Variants in PLXNA4 observed in about 807,000 individuals in gnomAD.
The protein encoded by PLXNA4 is plexin-A4.
A neutral mutation model predicts 191.8 loss-of-function variants in PLXNA4; 44 were observed. That is an observed-to-expected ratio of 0.23 (90% CI 0.18 to 0.29). The LOEUF is 0.29. PLXNA4 is among the 10% of genes least tolerant of loss of function. The pLI, the probability that PLXNA4 is intolerant of heterozygous loss-of-function variation, is 1.00. For synonymous variants in PLXNA4, 1,082 were observed against 1,009.5 expected, an observed-to-expected ratio of 1.07 and a Z score of -1.36; for missense variants, 1,800 against 2,488.8, an observed-to-expected ratio of 0.72 and a Z score of 5.89.
At chr7:132,581,884 C>CAACA (rs558874117), upstream of PLXNA4, among the ~76,000 whole-genome samples, 79 of 152,270 alleles carry the variant, frequency 5.2e-4, no homozygotes, top group Admixed American at 8.5e-4. Context: ...CTAACAAAAA[C>CAACA]AACAAACAAA....
chr7:132,584,262 C>A (rs1802465686), intron 2 of PLXNA4, among the ~76,000 whole-genome samples: 1 of 152,214 alleles, frequency 6.6e-6, no homozygotes, highest in Non-Finnish European at 1.5e-5. Flanking sequence ...TTTCTATTAA[C>A]TGTTCTTTCC....
intron 4 of PLXNA4, among the ~76,000 whole-genome samples, chr7:132,256,571 G>A (rs1298943394): frequency 1.3e-5 from 2 of 152,190 alleles, no homozygotes; most frequent in Non-Finnish European, 2.9e-5. Context: ...GGAATTTGGG[G>A]TCTAGGTTAA....
chr7:132,413,019 T>TGG (rs3214626), intron 3 of PLXNA4, among the ~76,000 whole-genome samples: 10 of 151,644 alleles, frequency 6.6e-5, no homozygotes, highest in East Asian at 3.9e-4. Context: ...ACTTGATAGA[T>TGG]GGGGGGTGGA....
At chr7:132,263,297 A>ATGCCATCC (rs1049920719) in intron 4 of PLXNA4, among the ~76,000 whole-genome samples, 52 of 152,158 alleles carry the variant, frequency 3.4e-4, no homozygotes, top group Admixed American at 7.2e-4. Flanking sequence ...TGTTCTGGCC[A>ATGCCATCC]TGCCATCCAC....
chr7:132,364,821 T>C (rs573789490), intron 3 of PLXNA4, among the ~76,000 whole-genome samples: 2 of 152,320 alleles, frequency 1.3e-5, no homozygotes, highest in East Asian at 3.9e-4. Flanking sequence ...ATACTTCTAG[T>C]GTGTGAATTT....
intron 2 of PLXNA4, among the ~76,000 whole-genome samples, chr7:132,502,566 GC>G (rs1277116313): frequency 6.6e-6 from 1 of 152,100 alleles, no homozygotes; most frequent in Non-Finnish European, 1.5e-5. Flanking sequence ...GATCACAAAC[GC>G]CCTACAATAT....
intron 4 of PLXNA4, among the ~76,000 whole-genome samples, chr7:132,248,370 T>G (rs1799131964): frequency 6.6e-6 from 1 of 152,200 alleles, no homozygotes. Context: ...GATTCATGTC[T>G]ATTGTATGCA....
chr7:132,599,604 T>G (rs775279633), intron 2 of PLXNA4, among the ~76,000 whole-genome samples: 1 of 152,180 alleles, frequency 6.6e-6, no homozygotes, highest in Non-Finnish European at 1.5e-5. Context: ...GTTTGTCTTG[T>G]GTTTTCTAGG....
chr7:132,216,477 T>C lies in PLXNA4; in HGVS notation c.2098-5334A>G, dbSNP rs1477060566. On this transcript the variant is annotated intron_variant, in intron 9 of 31. Transcript: ENST00000321063. ...CTATCAGCAGGGACATGTTTTAATA[T>C]TTTAATAATTGGTACGTTGCAACCT... Among the ~76,000 whole-genome samples, 3 of 152,214 alleles carry C rather than the reference T, an allele frequency of 2.0e-5. No homozygotes were observed. The South Asian group carries it at 6.2e-4, about 32-fold the overall frequency.
At chr7:132,429,404 TA>T (rs1795178540) in intron 3 of PLXNA4, among the ~76,000 whole-genome samples, 1 of 151,778 alleles carries the variant, frequency 6.6e-6, no homozygotes, top group Non-Finnish European at 1.5e-5. Flanking sequence ...AAGGGTCAGA[TA>T]AATAGTTTAA....
intron 29 of PLXNA4, among the ~76,000 whole-genome samples, chr7:132,141,879 A>G (rs966047710): frequency 2.0e-5 from 3 of 152,098 alleles, no homozygotes; most frequent in African/African-American, 7.2e-5. Context: ...ACAAGCAGCC[A>G]TCACCACACT....
chr7:132,262,249 A>G (rs919228236), intron 4 of PLXNA4, among the ~76,000 whole-genome samples: 2 of 152,152 alleles, frequency 1.3e-5, no homozygotes, highest in African/African-American at 4.8e-5. Context: ...CCTGGAACCA[A>G]GCTCATAAGT....
chr7:132,136,789 C>T (rs1433819786), intron 30 of PLXNA4, among the ~76,000 whole-genome samples: 2 of 152,240 alleles, frequency 1.3e-5, no homozygotes, highest in Non-Finnish European at 2.9e-5. Context: ...TTCCTCCACA[C>T]ACCTCGAGGA....
chr7:132,285,210 C>T (rs534132923), intron 4 of PLXNA4, among the ~76,000 whole-genome samples: 17 of 152,264 alleles, frequency 1.1e-4, no homozygotes, highest in Admixed American at 2.6e-4. Context: ...CCCATTTTGT[C>T]GATGAAGAAA....
intron 1 of PLXNA4, among the ~76,000 whole-genome samples, chr7:132,557,957 A>C (rs1039024518): frequency 5.9e-5 from 9 of 152,158 alleles, no homozygotes; most frequent in African/African-American, 9.7e-5. Context: ...GAGACAATCA[A>C]ACAACCTTAT....
intron 3 of PLXNA4, among the ~76,000 whole-genome samples, chr7:132,412,646 G>T (rs1392866072): frequency 5.9e-5 from 9 of 152,204 alleles, no homozygotes; most frequent in African/African-American, 2.2e-4. Flanking sequence ...ACATGTTGAG[G>T]TTTGGCACAG....
At chr7:132,551,566 C>T (rs1410589727) in intron 1 of PLXNA4, among the ~76,000 whole-genome samples, 1 of 152,162 alleles carries the variant, frequency 6.6e-6, no homozygotes, top group Non-Finnish European at 1.5e-5. Context: ...GCCAGCCAGT[C>T]CCCATACACA....
chr7:132,177,082 CAT>C (rs754302697), intron 20 of PLXNA4, among the ~76,000 whole-genome samples: 36 of 151,036 alleles, frequency 2.4e-4, no homozygotes, highest in African/African-American at 6.8e-4. Context: ...CGTGTGAGCA[CAT>C]GAGTGTATGT....
chr7:132,582,286 G>T (rs1802416326), upstream of PLXNA4, among the ~76,000 whole-genome samples: 1 of 152,186 alleles, frequency 6.6e-6, no homozygotes, highest in Admixed American at 6.5e-5. Flanking sequence ...TGATGAAGAT[G>T]GATTCGTGCT....
Sources: allele counts gnomAD v4.1 joint callset (sites outside exome capture counted in the v4.1 genomes callset), GRCh38; gene constraint gnomAD v4.1.1; transcripts MANE v1.5; gene names NCBI Gene and HGNC (gene_info 2026-07-23, HGNC 2026-07-21).